Variants in E2F7 observed in about 807,000 individuals in gnomAD.
E2F7 encodes E2F transcription factor 7.
Under a neutral mutation model 81.1 loss-of-function variants are expected in E2F7, and 35 were observed. That is an observed-to-expected ratio of 0.43 (90% CI 0.33 to 0.57). The LOEUF (loss-of-function observed/expected upper bound fraction) is 0.57, where lower values mean the gene tolerates loss of function less well. Ranked by LOEUF, E2F7 falls within the 20% of genes least tolerant of loss-of-function variation. The pLI is 0.04. For missense variants in E2F7, 961 were observed against 1,093.7 expected (o/e 0.88, Z 1.71); for synonymous variants, 416 against 416.2 (o/e 1.00, Z 0.01).
chr12:77,027,773 C>G, intron 11 of E2F7, 110 bp downstream of exon 11: 4 of 1,433,052 alleles, frequency 2.8e-6, no homozygotes, highest in Non-Finnish European at 3.8e-6. Flanking sequence ...TAAAATGACT[C>G]AGGCACATCA....
At chr12:77,045,762 G>A in intron 5 of E2F7, 1 of 410,104 alleles carries the variant, frequency 2.4e-6, no homozygotes, top group Non-Finnish European at 4.3e-6. Context: ...GAACCAGCAT[G>A]GGGCTGCCAA....
chr12:77,049,100 G>C (rs913940491), intron 4 of E2F7, among the ~76,000 whole-genome samples: 1 of 152,118 alleles, frequency 6.6e-6, no homozygotes, highest in African/African-American at 2.4e-5. Context: ...GCCTAAAACT[G>C]CCTGCTTCTT....
At chr12:77,027,426 G>A (rs577898124) in intron 11 of E2F7, among the ~76,000 whole-genome samples, 1 of 152,114 alleles carries the variant, frequency 6.6e-6, no homozygotes, top group Non-Finnish European at 1.5e-5. Flanking sequence ...AACCAATGAG[G>A]ATGAAGAATA....
intron 10 of E2F7, 56 bp from the exon 11 acceptor site, chr12:77,028,194 CTCTCTT>C (rs2120622679): frequency 6.5e-6 from 9 of 1,374,664 alleles, no homozygotes; most frequent in South Asian, 2.8e-5. Flanking sequence ...AGTAGTAAAT[CTCTCTT>C]TTTTTTTTTT....
intron 9 of E2F7, among the ~76,000 whole-genome samples, chr12:77,032,189 G>A (rs1954813249): frequency 1.3e-5 from 2 of 152,200 alleles, no homozygotes. Flanking sequence ...TAGCCAGGAT[G>A]ATCTTCATCA....
intron 5 of E2F7, 41 bp downstream of exon 5, chr12:77,045,997 C>A: frequency 6.3e-7 from 1 of 1,587,970 alleles, no homozygotes; most frequent in Non-Finnish European, 8.6e-7. Context: ...CCATCACTTG[C>A]TCTTTCTCTG....
chr12:77,028,695 C>T (rs968806819), intron 10 of E2F7, among the ~76,000 whole-genome samples: 9 of 151,656 alleles, frequency 5.9e-5, no homozygotes, highest in Admixed American at 2.0e-4. Context: ...AGGATGGTCT[C>T]GATTTCCTGA....
chr12:77,041,185 A>G (rs1009136780), intron 7 of E2F7, among the ~76,000 whole-genome samples: 3 of 152,122 alleles, frequency 2.0e-5, no homozygotes, highest in African/African-American at 7.2e-5. Flanking sequence ...CTCATCTTCC[A>G]GCTATCTTAC....
intron 5 of E2F7, 149 bp downstream of exon 5, chr12:77,045,889 T>C: frequency 9.6e-7 from 1 of 1,042,584 alleles, no homozygotes; most frequent in Non-Finnish European, 1.4e-6. Flanking sequence ...TGGGGAGCCA[T>C]CTGCTTCTCT....
At chr12:77,065,134 C>G (rs1163626710) in intron 1 of E2F7, among the ~76,000 whole-genome samples, 1 of 152,204 alleles carries the variant, frequency 6.6e-6, no homozygotes, top group Non-Finnish European at 1.5e-5. Flanking sequence ...ATGAAAGCTC[C>G]AAGTTGTGGG....
At position 77,030,274 on chromosome 12, in the gene E2F7, C is replaced by A. The variant is rs768408577; in HGVS notation, c.1441G>T (p.Ala481Ser). 1 of 1,602,226 alleles carries A rather than the reference C, an allele frequency of 6.2e-7. No homozygotes were observed. The highest frequency in any genetic ancestry group is 8.5e-7 in the Non-Finnish European group (1 of 1,173,100). Residue 481 changes from alanine (A) to serine (S), a missense_variant, in exon 10 of 13, where the codon GCT (alanine) becomes TCT (serine). By Grantham distance (99) the Ala-to-Ser change is moderately conservative. Coordinates refer to ENST00000322886, the MANE Select transcript of E2F7 (RefSeq NM_203394.3). ...VPPSSSLDPV[A>S]PFPVLSVDPE... The stretch of plus-strand genomic sequence containing the variant: ...TCAACAGAGAGGACAGGGAAAGGAG[C>A]AACAGGGTCCAAGCTGCTTGATGGA...
chr12:77,035,688 G>A (rs1258495285), intron 7 of E2F7, among the ~76,000 whole-genome samples: 1 of 152,178 alleles, frequency 6.6e-6, no homozygotes, highest in Non-Finnish European at 1.5e-5. Context: ...AATTCTCAGT[G>A]TCTGGTATAC....
intron 8 of E2F7, 91 bp from the exon 9 acceptor site, chr12:77,033,213 T>C (rs568201511): frequency 2.5e-6 from 3 of 1,188,356 alleles, no homozygotes; most frequent in East Asian, 2.4e-5. Flanking sequence ...GAATTCATTA[T>C]TCTCAGCTCA....
rs1303699800 is a variant in E2F7 at position 77,022,198 on chromosome 12, T to C, written c.*1817A>G. On this transcript the variant is annotated 3_prime_UTR_variant, in exon 13 of 13. Coordinates refer to ENST00000322886, the MANE Select transcript of E2F7 (RefSeq NM_203394.3). Reference sequence around the variant, plus strand: ...TTAACATGCATATACCCTGCACAGATTGAAACCTGAAAAAGGTATATTTTT... The same window carrying C: ...TTAACATGCATATACCCTGCACAGACTGAAACCTGAAAAAGGTATATTTTT... The C allele has an allele frequency of 1.3e-5, 2 of 152,180 alleles. No homozygotes were observed. The highest frequency in any genetic ancestry group is 3.2e-3 in the Middle Eastern group (1 of 316). The allele number at this position is 152,180 out of a possible 1,614,324, so 9.4% of individuals were successfully genotyped here. A position where few individuals can be genotyped will look rare whatever the true frequency, so the allele number is the denominator to read the frequency against.
In E2F7 at chr12:77,022,921, T is replaced by C. The variant is rs1954725389; in HGVS notation, c.*1094A>G. On this transcript the variant is annotated 3_prime_UTR_variant, in exon 13 of 13. Transcript: ENST00000322886. ...ACTACAGTTTGAATACCCTTGGATA[T>C]GAAACATATGTCCATTTTCCCTCTT... 6.6e-6 allele frequency: 1 copy of C among 152,190 alleles called. No individual in the cohort carries two copies. The highest frequency in any genetic ancestry group is 6.5e-5 in the Admixed American group (1 of 15,270). 9.4% of individuals were successfully genotyped at this position (152,190 alleles called of 1,614,324 possible). A position where few individuals can be genotyped will look rare whatever the true frequency, so the allele number is the denominator to read the frequency against.
chr12:77,046,419 C>T (rs546762783), intron 4 of E2F7, 91 bp from the exon 5 acceptor site: 1 of 1,393,572 alleles, frequency 7.2e-7, no homozygotes. Flanking sequence ...CTGTGAACTA[C>T]TTTGTCTGAT....
At chr12:77,032,132 T>C (rs963789742) in intron 9 of E2F7, among the ~76,000 whole-genome samples, 13 of 152,226 alleles carry the variant, frequency 8.5e-5, no homozygotes, top group Admixed American at 8.5e-4. Context: ...ACAAATGCTC[T>C]GTTCTGTGGC....
intron 7 of E2F7, 81 bp downstream of exon 7, chr12:77,042,984 C>A: frequency 6.3e-7 from 1 of 1,598,770 alleles, no homozygotes; most frequent in Non-Finnish European, 8.5e-7. Flanking sequence ...ATCAGTCTCA[C>A]TGTGTAGTAG....
At chr12:77,029,798 T>C (rs774959957) in intron 10 of E2F7, 33 bp downstream of exon 10, 133 of 1,609,066 alleles carry the variant, frequency 8.3e-5, no homozygotes, top group Non-Finnish European at 1.0e-4. Context: ...GCTAACAGGA[T>C]GTCACCAGAC....
Sources: allele counts gnomAD v4.1 joint callset (sites outside exome capture counted in the v4.1 genomes callset), GRCh38; gene constraint gnomAD v4.1.1; transcripts MANE v1.5; gene names NCBI Gene and HGNC (gene_info 2026-07-23, HGNC 2026-07-21).